RNF145: variants seen among roughly 807,000 people sequenced by gnomAD.
The protein encoded by RNF145 is ring finger protein 145.
In RNF145, 12 loss-of-function variants were observed where a neutral mutation model predicts 57.3. That is an observed-to-expected ratio of 0.21 (90% CI 0.13 to 0.34). The LOEUF is 0.34. Ranked by LOEUF, RNF145 falls within the 10% of genes least tolerant of loss-of-function variation. The pLI is 1.00. For missense variants in RNF145, 429 were observed against 799.0 expected (o/e 0.54, Z 5.58); for synonymous variants, 262 against 288.3 (o/e 0.91, Z 0.92).
In RNF145 at chr5:159,161,430, T is replaced by C. The variant is rs763391123; in HGVS notation, c.1462A>G (p.Met488Val). Residue 488 changes from methionine (M) to valine (V), a missense_variant, in exon 10 of 11, where the codon ATG (methionine) becomes GTG (valine). This residue lies in a region of RNF145 where 216 missense variants were observed against 457.6 expected (regional missense o/e 0.47). Coordinates refer to ENST00000424310, the MANE Select transcript of RNF145 (RefSeq NM_001199383.2). ...IFGEWTVMGS[M>V]IIFIHSYYNV... The stretch of plus-strand genomic sequence containing the variant: ...TAGTAGGAATGAATGAAGATGATCA[T>C]TGAGCCCATCACTGTCCATTCTCCA... 3 of 1,614,204 alleles carry C rather than the reference T, an allele frequency of 1.9e-6. No individual in the cohort carries two copies. Among genetic ancestry groups the C allele is most frequent in the Admixed American group, 3.3e-5 (2 of 60,014 alleles).
At chr5:159,181,897 ATT>A (rs1784907414) in intron 4 of RNF145, 61 bp downstream of exon 4, 1 of 962,002 alleles carries the variant, frequency 1.0e-6, no homozygotes, top group Non-Finnish European at 1.6e-6. Flanking sequence ...GTATGCATGA[ATT>A]TTATAAGTTA....
intron 10 of RNF145, 36 bp downstream of exon 10, chr5:159,161,230 T>C: frequency 7.2e-7 from 1 of 1,382,044 alleles, no homozygotes; most frequent in Non-Finnish European, 1.0e-6. Context: ...ATACACTGTA[T>C]GACTTACCCA....
In RNF145 at chr5:159,163,210, AGTCAC is replaced by A. The variant is rs1173517961; in HGVS notation, c.1122-136_1122-132del. 4.9e-6 allele frequency: 4 copies of A among 819,534 alleles called. No individual in the cohort carries two copies. The East Asian group carries it at 7.8e-5, about 16-fold the overall frequency. The allele number at this position is 819,534 out of a possible 1,614,324, so 50.8% of individuals were successfully genotyped here. A position where few individuals can be genotyped will look rare whatever the true frequency, so the allele number is the denominator to read the frequency against. ...CCCACTGAACACCCTTCTCCATGCC[AGTCAC>A]TGTACTAGAGTTCAGACCAAGTCAC... On this transcript the variant is annotated intron_variant, in intron 8 of 10. Transcript: ENST00000424310.
chr5:159,158,570 C>T lies in RNF145; in HGVS notation c.*100G>A. ...AGATCCTTGGAATGTCAGTTTCCTG[C>T]CTGATCATCTCATTTTCATTCCTCA... is the stretch of plus-strand genomic sequence containing the variant. On this transcript the variant is annotated 3_prime_UTR_variant, in exon 11 of 11. Coordinates refer to ENST00000424310, the MANE Select transcript of RNF145 (RefSeq NM_001199383.2). 1 of 1,406,182 alleles carries T rather than the reference C, an allele frequency of 7.1e-7. No individual in the cohort carries two copies. The highest frequency in any genetic ancestry group is 9.6e-7 in the Non-Finnish European group (1 of 1,037,238). 87.1% of individuals were successfully genotyped at this position (1,406,182 alleles called of 1,614,324 possible). A position where few individuals can be genotyped will look rare whatever the true frequency, so the allele number is the denominator to read the frequency against.
chr5:159,171,950 G>C (rs1000275114), intron 6 of RNF145, among the ~76,000 whole-genome samples: 1 of 152,154 alleles, frequency 6.6e-6, no homozygotes, highest in Non-Finnish European at 1.5e-5. Context: ...AATTATGTTA[G>C]CAAGATATCT....
At chr5:159,203,683 A>G in intron 1 of RNF145, 27 bp from the exon 2 acceptor site, 1 of 1,492,148 alleles carries the variant, frequency 6.7e-7, no homozygotes, top group Non-Finnish European at 9.1e-7. Flanking sequence ...ACAATATATA[A>G]AAATAAAAAG....
chr5:159,158,964 A>C lies in RNF145; in HGVS notation c.1698T>G (p.Tyr566Ter). Residue 566 changes from tyrosine to a stop codon, truncating the protein, a stop_gained, in exon 11 of 11, where the codon TAT becomes TAG. Coordinates refer to ENST00000424310, the MANE Select transcript of RNF145 (RefSeq NM_001199383.2). LOFTEE classifies it low-confidence loss of function (END_TRUNC). Reference sequence around the variant, plus strand: ...GGCACAGAGGGCAGGTCTCCTGGACATACAGCCATTTCTTAAGACAGCCTG... The same window carrying C: ...GGCACAGAGGGCAGGTCTCCTGGACCTACAGCCATTTCTTAAGACAGCCTG... ...FHAGCLKKWL[Y>*]VQETCPLCHC... 6.2e-7 allele frequency: 1 copy of C among 1,613,968 alleles called. No homozygotes were observed. The highest frequency in any genetic ancestry group is 8.5e-7 in the Non-Finnish European group (1 of 1,179,848).
At chr5:159,178,654 AAAATCTAACATT>A (rs1465051305) in intron 4 of RNF145, among the ~76,000 whole-genome samples, 2 of 152,088 alleles carry the variant, frequency 1.3e-5, no homozygotes, top group Non-Finnish European at 1.5e-5. Context: ...AAAATGCCCT[AAAATCTAACATT>A]ATGCTCCAAG....
intron 6 of RNF145, among the ~76,000 whole-genome samples, chr5:159,171,398 A>AT (rs1279455264): frequency 6.6e-6 from 1 of 152,024 alleles, no homozygotes; most frequent in Non-Finnish European, 1.5e-5. Context: ...ATTTAGAAAC[A>AT]TTTTTTACAC....
In RNF145 at chr5:159,176,877, G is replaced by A; in HGVS notation, c.386-10C>T. On this transcript the variant is annotated splice_polypyrimidine_tract_variant and intron_variant, in intron 4 of 10. Transcript: ENST00000424310. ...CACACCACCAACTGACCTAAAATAG[G>A]GAATAGAATACATTTAATTTTGAGT... is the stretch of plus-strand genomic sequence containing the variant. 6.7e-7 allele frequency: 1 copy of A among 1,502,312 alleles called. No individual in the cohort carries two copies. The highest frequency in any genetic ancestry group is 9.2e-7 in the Non-Finnish European group (1 of 1,090,828). The allele number at this position is 1,502,312 out of a possible 1,614,324, so 93.1% of individuals were successfully genotyped here.
chr5:159,203,146 A>G, intron 2 of RNF145, among the ~76,000 whole-genome samples: 1 of 152,206 alleles, frequency 6.6e-6, no homozygotes, highest in Non-Finnish European at 1.5e-5. Flanking sequence ...AATGTCTCTA[A>G]AAGTATTTCT....
At chr5:159,159,720 C>T (rs1784152174) in intron 10 of RNF145, among the ~76,000 whole-genome samples, 1 of 152,184 alleles carries the variant, frequency 6.6e-6, no homozygotes, top group Non-Finnish European at 1.5e-5. Flanking sequence ...TATACACTCA[C>T]ATTTGATAAC....
chr5:159,194,374 G>C (rs1272957625), intron 3 of RNF145, among the ~76,000 whole-genome samples: 1 of 152,174 alleles, frequency 6.6e-6, no homozygotes, highest in East Asian at 1.9e-4. Context: ...GTTTCACCAT[G>C]TTGGCCAGGC....
intron 3 of RNF145, among the ~76,000 whole-genome samples, chr5:159,187,282 C>T (rs771233357): frequency 3.3e-5 from 5 of 150,784 alleles, no homozygotes; most frequent in Non-Finnish European, 5.9e-5. Context: ...AACTCCATCT[C>T]AAAAAACAAA....
chr5:159,196,878 G>A (rs1173929552), intron 2 of RNF145, among the ~76,000 whole-genome samples: 1 of 152,086 alleles, frequency 6.6e-6, no homozygotes, highest in Non-Finnish European at 1.5e-5. Flanking sequence ...TTCCTTTCCA[G>A]AACGGTCTTG....
chr5:159,169,931 T>C, intron 6 of RNF145, 112 bp from the exon 7 acceptor site: 4 of 792,548 alleles, frequency 5.0e-6, no homozygotes, highest in Non-Finnish European at 7.6e-6. Flanking sequence ...AATTAAAACA[T>C]CCTAAACCAA....
In RNF145 at chr5:159,176,841, A is replaced by C; in HGVS notation, c.412T>G (p.Ser138Ala). ...ATCTGCTTTGTTTTCATGACACAGGAGCATAAAGTACACACCACCAACTGA... is the reference window on the plus strand; with the variant it reads ...ATCTGCTTTGTTTTCATGACACAGGCGCATAAAGTACACACCACCAACTGA... ...IGQLVVCTLC[S>A]CVMKTKQIWL... The change falls in exon 5 of 11, where the codon TCC (serine) becomes GCC (alanine). Residue 138 changes from serine (S) to alanine (A), a missense_variant. Physicochemically the swap from Ser to Ala is moderately conservative, Grantham distance 99. Transcript: ENST00000424310. 5 of 1,611,294 alleles carry C rather than the reference A, an allele frequency of 3.1e-6. No homozygotes were observed. Among genetic ancestry groups the C allele is most frequent in the Non-Finnish European group, 4.2e-6 (5 of 1,178,098 alleles).
At chr5:159,199,742 AC>A (rs1785597626) in intron 2 of RNF145, among the ~76,000 whole-genome samples, 2 of 152,110 alleles carry the variant, frequency 1.3e-5, no homozygotes, top group African/African-American at 4.8e-5. Context: ...AGAATTAAGC[AC>A]CATATCTACT....
At chr5:159,181,787 G>A (rs1437581865) in intron 4 of RNF145, among the ~76,000 whole-genome samples, 173 bp downstream of exon 4, 4 of 150,704 alleles carry the variant, frequency 2.7e-5, no homozygotes, top group African/African-American at 9.8e-5. Flanking sequence ...CTATACATGG[G>A]GAAAAGAAGA....
Sources: gnomAD v4.1 joint callset for allele counts (sites outside exome capture counted in the v4.1 genomes callset) on GRCh38, gnomAD v4.1.1 for gene constraint, gnomAD v4.1.1 regional missense constraint, MANE v1.5 for transcripts, NCBI Gene and HGNC (gene_info 2026-07-23, HGNC 2026-07-21) for gene names.